Variants in PHACTR4 observed in about 807,000 individuals in gnomAD.
PHACTR4 encodes the protein protein phosphatase 1, regulatory subunit 124.
Under a neutral mutation model 72.7 loss-of-function variants are expected in PHACTR4, and 51 were observed. The observed-to-expected ratio is 0.70, with a 90% CI of 0.56 to 0.89. The LOEUF (loss-of-function observed/expected upper bound fraction) is 0.89. PHACTR4 is among the 40% of genes least tolerant of loss of function. PHACTR4 has a pLI of 0.00. For synonymous variants in PHACTR4, 255 were observed against 302.5 expected (o/e 0.84, Z 1.63); for missense variants, 731 against 861.8 (o/e 0.85, Z 1.90).
intron 2 of PHACTR4, among the ~76,000 whole-genome samples, chr1:28,420,384 C>G (rs541294825): frequency 6.6e-6 from 1 of 152,240 alleles, no homozygotes; most frequent in East Asian, 1.9e-4. Context: ...ATAAGGCGCT[C>G]TTCCCCCTTC....
chr1:28,460,676 C>G (rs1430030085), intron 4 of PHACTR4, among the ~76,000 whole-genome samples: 6 of 152,106 alleles, frequency 3.9e-5, no homozygotes, highest in African/African-American at 1.4e-4. Flanking sequence ...CCCCAGCTAA[C>G]TTTTGACTTT....
intron 11 of PHACTR4, 121 bp downstream of exon 11, chr1:28,491,133 C>G: frequency 1.0e-6 from 1 of 986,994 alleles, no homozygotes; most frequent in Non-Finnish European, 1.5e-6. Context: ...CTTTGGAAGG[C>G]CATGGCAGGA....
At chr1:28,375,662 T>G (rs10794515) in intron 1 of PHACTR4, among the ~76,000 whole-genome samples, 58,138 of 152,034 alleles carry the variant, frequency 0.38, 12,800 homozygotes, top group African/African-American at 0.6. Flanking sequence ...CTACAGCCTG[T>G]GTGGCAGAGC....
intron 11 of PHACTR4, 57 bp downstream of exon 11, chr1:28,491,069 G>A: frequency 6.5e-7 from 1 of 1,534,008 alleles, no homozygotes; most frequent in African/African-American, 1.4e-5. Flanking sequence ...TGGCCTATTT[G>A]ATTGGAAATG....
At chr1:28,428,278 C>T (rs555762649) in intron 2 of PHACTR4, among the ~76,000 whole-genome samples, 3 of 152,280 alleles carry the variant, frequency 2.0e-5, no homozygotes, top group South Asian at 4.1e-4. Flanking sequence ...TTCTCACTTT[C>T]TTCTAGGCCT....
In PHACTR4 at chr1:28,466,406, C is replaced by T; in HGVS notation, c.461C>T (p.Ser154Phe). 6.2e-7 allele frequency: 1 copy of T among 1,612,272 alleles called. No individual in the cohort carries two copies. Among genetic ancestry groups the T allele is most frequent in the African/African-American group, 1.3e-5 (1 of 74,998 alleles). Reference sequence around the variant, plus strand: ...GGCTCAACTGGAAGCCAGCCTAATTCTGAAGCAGAGTCTGTTCCTGAGAAT... The same window carrying T: ...GGCTCAACTGGAAGCCAGCCTAATTTTGAAGCAGAGTCTGTTCCTGAGAAT... ...RLGSTGSQPNSEAESVPENVP... is the reference protein window; with the variant it reads ...RLGSTGSQPNFEAESVPENVP... The change falls in exon 6 of 14, where the codon TCT (serine) becomes TTT (phenylalanine). Residue 154 changes from serine to phenylalanine, a missense_variant. Ser to Phe is a radical substitution (Grantham distance 155). Around this residue, in one of 2 missense-constraint regions of PHACTR4, gnomAD observed 621 missense variants for 676.6 expected, o/e 0.92. Transcript: ENST00000373839.
At chr1:28,456,502 C>A (rs568595416) in intron 2 of PHACTR4, among the ~76,000 whole-genome samples, 1 of 152,242 alleles carries the variant, frequency 6.6e-6, no homozygotes, top group Non-Finnish European at 1.5e-5. Context: ...ATGGCTCTGT[C>A]GCCCAGGCTG....
chr1:28,431,934 G>A lies in PHACTR4; in HGVS notation c.16+24471G>A, dbSNP rs538688941. Among the ~76,000 whole-genome samples the A allele has an allele frequency of 2.6e-5, 4 of 152,308 alleles. No individual in the cohort carries two copies. In the South Asian group the frequency reaches 8.3e-4, roughly 32 times the overall value. Reference sequence around the variant, plus strand: ...TTTTAGGAAAATAATATCTTGGCCGGGCACAGTGGCTCACGCCTGTAATCC... The same window carrying A: ...TTTTAGGAAAATAATATCTTGGCCGAGCACAGTGGCTCACGCCTGTAATCC... On this transcript the variant is annotated intron_variant, in intron 2 of 13. Coordinates refer to ENST00000373839, the MANE Select transcript of PHACTR4 (RefSeq NM_001048183.3).
chr1:28,373,354 G>A (rs1215740110), intron 1 of PHACTR4, among the ~76,000 whole-genome samples: 1 of 151,918 alleles, frequency 6.6e-6, no homozygotes, highest in Admixed American at 6.6e-5. Flanking sequence ...GCAATGGCAC[G>A]ATCTTGGCTC....
At chr1:28,481,125 T>C (rs1161298316) in intron 9 of PHACTR4, among the ~76,000 whole-genome samples, 1 of 151,584 alleles carries the variant, frequency 6.6e-6, no homozygotes, top group Non-Finnish European at 1.5e-5. Context: ...AACTCTTGGG[T>C]TCAAGGCACC....
intron 1 of PHACTR4, among the ~76,000 whole-genome samples, chr1:28,382,931 C>G (rs914874398): frequency 2.6e-5 from 4 of 152,090 alleles, no homozygotes; most frequent in Non-Finnish European, 5.9e-5. Flanking sequence ...GTAGCTGGGA[C>G]TACAGGCCCC....
intron 8 of PHACTR4, among the ~76,000 whole-genome samples, chr1:28,476,607 C>T (rs1003401487): frequency 6.8e-5 from 10 of 147,032 alleles, no homozygotes; most frequent in Non-Finnish European, 1.3e-4. Context: ...GTGGTGCAAT[C>T]GTCGCTCACT....
chr1:28,407,720 A>G (rs1654458965), intron 2 of PHACTR4, among the ~76,000 whole-genome samples: 1 of 152,236 alleles, frequency 6.6e-6, no homozygotes, highest in Non-Finnish European at 1.5e-5. Context: ...AAAAATATTA[A>G]TTTGTTTAAA....
Position 28,473,397 on chromosome 1 carries a change from C to T in PHACTR4, c.824-157C>T, listed in dbSNP as rs368691221. ...CTTCTATTTGAATAAATATAAACTT[C>T]ATTTCAGGATAAAATATATAGGGAA... On this transcript the variant is annotated intron_variant, in intron 6 of 13. Coordinates refer to ENST00000373839, the MANE Select transcript of PHACTR4 (RefSeq NM_001048183.3). Among the ~76,000 whole-genome samples, 116 of 152,092 alleles carry T rather than the reference C, an allele frequency of 7.6e-4. 1 individual carries two copies. The highest frequency in any genetic ancestry group is 2.7e-3 in the African/African-American group (112 of 41,512).
At chr1:28,383,337 T>G (rs1652331772) in intron 1 of PHACTR4, among the ~76,000 whole-genome samples, 1 of 152,174 alleles carries the variant, frequency 6.6e-6, no homozygotes, top group Admixed American at 6.6e-5. Flanking sequence ...CCTTGGCTCT[T>G]TTGGTTCCAT....
At chr1:28,495,324 T>C (rs898060125) in intron 13 of PHACTR4, among the ~76,000 whole-genome samples, 2 of 152,062 alleles carry the variant, frequency 1.3e-5, no homozygotes, top group Non-Finnish European at 2.9e-5. Context: ...CCCAGGCTGG[T>C]CTTGAATTCC....
intron 6 of PHACTR4, among the ~76,000 whole-genome samples, chr1:28,470,118 A>G (rs1659469940): frequency 6.6e-6 from 1 of 151,350 alleles, no homozygotes; most frequent in Admixed American, 6.6e-5. Context: ...TAGGCCAGGC[A>G]CAGTGGCTCA....
intron 1 of PHACTR4, among the ~76,000 whole-genome samples, chr1:28,404,960 T>C (rs185217266): frequency 1.3e-5 from 2 of 152,238 alleles, no homozygotes; most frequent in African/African-American, 4.8e-5. Flanking sequence ...CCCCTCCTAG[T>C]ATCCATGTGT....
At chr1:28,389,737 C>G (rs922795513) in intron 1 of PHACTR4, among the ~76,000 whole-genome samples, 22 of 152,178 alleles carry the variant, frequency 1.4e-4, no homozygotes, top group African/African-American at 5.3e-4. Context: ...GGCCCCCCAC[C>G]AAGTTTTGGG....
Sources: gnomAD v4.1 joint callset for allele counts (sites outside exome capture counted in the v4.1 genomes callset) on GRCh38, gnomAD v4.1.1 for gene constraint, gnomAD v4.1.1 regional missense constraint, MANE v1.5 for transcripts, NCBI Gene and HGNC (gene_info 2026-07-23, HGNC 2026-07-21) for gene names.